DMD: variants seen among roughly 807,000 people sequenced by gnomAD.
The protein encoded by DMD is dystrophin, also known as mutant dystrophin.
In DMD, 63 loss-of-function variants were observed where a neutral mutation model predicts 330.1. The ratio of observed to expected loss-of-function variants is 0.19; its 90% CI spans 0.16 to 0.24. The LOEUF (loss-of-function observed/expected upper bound fraction) is 0.24, where lower values mean the gene tolerates loss of function less well. Ranked by LOEUF, DMD falls within the 10% of genes least tolerant of loss-of-function variation. The pLI is 1.00. For missense variants in DMD, 3,344 were observed against 2,684.1 expected, an observed-to-expected ratio of 1.25 and a Z score of -5.43; for synonymous variants, 1,223 against 959.8, an observed-to-expected ratio of 1.27 and a Z score of -5.07.
intron 64 of DMD, among the ~76,000 whole-genome samples, chrX:31,217,440 A>G (rs892228168): frequency 8.9e-6 from 1 of 112,098 alleles, no homozygotes; most frequent in Admixed American, 9.5e-5. Flanking sequence ...TGAAAAAAAA[A>G]TAAGATCAAG....
At chrX:32,520,535 T>C (rs1231517829) in intron 17 of DMD, among the ~76,000 whole-genome samples, 1 of 111,688 alleles carries the variant, frequency 9.0e-6, no homozygotes, top group Non-Finnish European at 1.9e-5. Context: ...CAGTGAGAGC[T>C]TGGAATTGGT....
chrX:32,743,688 G>C (rs1603339982), intron 7 of DMD, among the ~76,000 whole-genome samples: 1 of 110,750 alleles, frequency 9.0e-6, no homozygotes, highest in African/African-American at 3.3e-5. Flanking sequence ...GGAATGGGAG[G>C]AAGTTCTATT....
chrX:31,638,380 G>A (rs1330403288), intron 54 of DMD, among the ~76,000 whole-genome samples: 1 of 111,468 alleles, frequency 9.0e-6, no homozygotes. Context: ...CTCATGTTCT[G>A]TCAAAAACAT....
chrX:32,334,799 G>C (rs1027168844), intron 41 of DMD, among the ~76,000 whole-genome samples: 1 of 111,766 alleles, frequency 8.9e-6, no homozygotes, highest in Non-Finnish European at 1.9e-5. Context: ...CCCCTTCATA[G>C]AAAGTCATAA....
intron 9 of DMD, among the ~76,000 whole-genome samples, chrX:32,666,649 T>C (rs1221162946): frequency 1.8e-5 from 2 of 109,984 alleles, no homozygotes; most frequent in Non-Finnish European, 3.8e-5. Context: ...GCCAACATGG[T>C]GAAACCCTGT....
chrX:32,443,582 T>C (rs1406210235), intron 27 of DMD, among the ~76,000 whole-genome samples: 2 of 110,779 alleles, frequency 1.8e-5, no homozygotes. Flanking sequence ...TTGGTGCAGA[T>C]TGAGGTAATG....
intron 1 of DMD, among the ~76,000 whole-genome samples, chrX:33,071,947 T>C (rs776705270): frequency 8.9e-6 from 1 of 112,440 alleles, no homozygotes; most frequent in Non-Finnish European, 1.9e-5. Context: ...CTTTCAAAAA[T>C]AGCTGGTAGA....
chrX:31,315,475 T>C (rs2055926337), intron 62 of DMD, among the ~76,000 whole-genome samples: 1 of 112,706 alleles, frequency 8.9e-6, no homozygotes, highest in Non-Finnish European at 1.9e-5. Context: ...ATGTGACTAC[T>C]GGTTTTTTTC....
intron 44 of DMD, among the ~76,000 whole-genome samples, chrX:32,189,562 G>GA (rs1386424102): frequency 9.1e-6 from 1 of 110,262 alleles, no homozygotes; most frequent in Non-Finnish European, 1.9e-5. Flanking sequence ...CATTACAGAA[G>GA]AAAAAATGCA....
At chrX:31,249,145 A>G (rs182654500) in intron 63 of DMD, among the ~76,000 whole-genome samples, 2 of 111,973 alleles carry the variant, frequency 1.8e-5, no homozygotes, top group Admixed American at 9.5e-5. Context: ...CCTTCAACAT[A>G]CCATATAAGG....
chrX:31,155,484 C>T (rs748471080), intron 74 of DMD, among the ~76,000 whole-genome samples: 1 of 111,956 alleles, frequency 8.9e-6, no homozygotes, highest in African/African-American at 3.3e-5. Context: ...GGAATAGATC[C>T]AAAGAAATCT....
chrX:32,726,869 A>T (rs996760224), intron 7 of DMD, among the ~76,000 whole-genome samples: 1 of 110,461 alleles, frequency 9.1e-6, no homozygotes, highest in African/African-American at 3.3e-5. Flanking sequence ...AATCAAGGCA[A>T]TTCAAATTCT....
chrX:33,044,543 T>G (rs2094350897), intron 1 of DMD, among the ~76,000 whole-genome samples: 1 of 112,092 alleles, frequency 8.9e-6, no homozygotes, highest in Non-Finnish European at 1.9e-5. Flanking sequence ...CGGAAATAAT[T>G]TATGTGCTGG....
chrX:31,386,135 C>T (rs2060433736), intron 60 of DMD, among the ~76,000 whole-genome samples: 1 of 111,974 alleles, frequency 8.9e-6, no homozygotes, highest in Non-Finnish European at 1.9e-5. Flanking sequence ...GACAGAAAAC[C>T]AAACATTGCA....
At chrX:32,890,692 A>G (rs958173208) in intron 2 of DMD, among the ~76,000 whole-genome samples, 8 of 111,953 alleles carry the variant, frequency 7.1e-5, no homozygotes, top group African/African-American at 2.6e-4. Flanking sequence ...TCGGGAAATC[A>G]GAACGTTTTA....
intron 60 of DMD, among the ~76,000 whole-genome samples, chrX:31,392,021 T>C (rs2060706417): frequency 9.0e-6 from 1 of 110,674 alleles, no homozygotes; most frequent in African/African-American, 3.3e-5. Flanking sequence ...ATTATCTATT[T>C]CCACACACAC....
At chrX:31,575,903 G>T (rs1024238068) in intron 55 of DMD, among the ~76,000 whole-genome samples, 11 of 111,952 alleles carry the variant, frequency 9.8e-5, no homozygotes, top group Non-Finnish European at 3.8e-5. Context: ...AGTAAGTCTA[G>T]ATCAGAAATA....
chrX:32,946,449 T>C (rs1185962377), intron 2 of DMD, among the ~76,000 whole-genome samples: 1 of 111,844 alleles, frequency 8.9e-6, no homozygotes, highest in Non-Finnish European at 1.9e-5. Context: ...AACATCCTGT[T>C]GTCTACTCTG....
At chrX:32,303,286 A>C (rs781419717) in intron 42 of DMD, among the ~76,000 whole-genome samples, 56 of 111,140 alleles carry the variant, frequency 5.0e-4, no homozygotes, top group African/African-American at 1.7e-3. Flanking sequence ...CCACACCTAC[A>C]TGTATCAGAC....
Sources: gnomAD v4.1 joint callset for allele counts (sites outside exome capture counted in the v4.1 genomes callset) on GRCh38, gnomAD v4.1.1 for gene constraint, MANE v1.5 for transcripts, NCBI Gene and HGNC (gene_info 2026-07-23, HGNC 2026-07-21) for gene names.